The following MAGI3 variants were observed in gnomAD, a reference collection of about 807,000 sequenced individuals.
The protein encoded by MAGI3 is membrane associated guanylate kinase, WW and PDZ domain containing 3, also known as membrane-associated guanylate kinase, WW and PDZ domain-containing protein 3.
MAGI3 carries 43 observed loss-of-function variants against 121.8 expected under a neutral mutation model. The ratio of observed to expected loss-of-function variants is 0.35; its 90% CI spans 0.28 to 0.46. MAGI3 has a LOEUF of 0.46. Among genes scored for constraint, MAGI3 ranks in the 20% least tolerant of loss-of-function variants. The probability of loss-of-function intolerance (pLI) is 1.00; values close to 1 mark genes in which losing one functional copy is unlikely to be tolerated. For missense variants in MAGI3, 1,547 were observed against 1,797.3 expected (o/e 0.86, Z 2.52); for synonymous variants, 553 against 639.3 (o/e 0.86, Z 2.04).
chr1:113,437,099 C>G (rs997768209), intron 1 of MAGI3, among the ~76,000 whole-genome samples: 1 of 152,116 alleles, frequency 6.6e-6, no homozygotes, highest in Non-Finnish European at 1.5e-5. Context: ...CAGGCATGAG[C>G]CACCGCACCC....
At chr1:113,514,070 A>G (rs1657759557) in intron 1 of MAGI3, among the ~76,000 whole-genome samples, 1 of 152,092 alleles carries the variant, frequency 6.6e-6, no homozygotes, top group South Asian at 2.1e-4. Flanking sequence ...CAAAACCACA[A>G]TGAGATACCA....
chr1:113,604,691 T>C (rs192634075), intron 6 of MAGI3, among the ~76,000 whole-genome samples: 28 of 151,622 alleles, frequency 1.8e-4, no homozygotes, highest in African/African-American at 6.8e-4. Flanking sequence ...TGGATGGAGC[T>C]GGAGGTCATT....
At chr1:113,563,607 C>T (rs1450852648) in intron 2 of MAGI3, among the ~76,000 whole-genome samples, 1 of 152,158 alleles carries the variant, frequency 6.6e-6, no homozygotes, top group Admixed American at 6.6e-5. Context: ...TTCATGAGTA[C>T]CAGCAGTGCA....
chr1:113,654,125 C>T (rs1296411939), intron 15 of MAGI3, 107 bp downstream of exon 15: 23 of 865,630 alleles, frequency 2.7e-5, no homozygotes, highest in Non-Finnish European at 3.0e-5. Flanking sequence ...GCCTTAGGTA[C>T]TTATCTTTTT....
intron 9 of MAGI3, among the ~76,000 whole-genome samples, chr1:113,626,229 T>A (rs530932910): frequency 5.9e-5 from 9 of 152,314 alleles, no homozygotes; most frequent in Admixed American, 3.9e-4. Flanking sequence ...ATGATTATAG[T>A]TTTTATCCTT....
intron 9 of MAGI3, among the ~76,000 whole-genome samples, chr1:113,638,230 C>A (rs879188535): frequency 6.6e-6 from 1 of 152,326 alleles, no homozygotes; most frequent in East Asian, 1.9e-4. Context: ...TCTCTCAACT[C>A]GTCAAAGTCA....
At chr1:113,630,013 A>G (rs1360166589) in intron 9 of MAGI3, among the ~76,000 whole-genome samples, 1 of 152,050 alleles carries the variant, frequency 6.6e-6, no homozygotes, top group Non-Finnish European at 1.5e-5. Flanking sequence ...AAAGTGAGCT[A>G]GGTTCGTGTC....
chr1:113,551,282 G>C (rs1329369192), intron 2 of MAGI3, among the ~76,000 whole-genome samples: 2 of 152,086 alleles, frequency 1.3e-5, no homozygotes, highest in Non-Finnish European at 2.9e-5. Context: ...AGCAGTGTTT[G>C]TCCCCTTCCC....
intron 1 of MAGI3, among the ~76,000 whole-genome samples, chr1:113,459,976 A>C (rs1404791209): frequency 6.6e-6 from 1 of 152,186 alleles, no homozygotes; most frequent in Non-Finnish European, 1.5e-5. Context: ...GAGAAAGAAA[A>C]CTTCAGGCCA....
chr1:113,530,816 T>G (rs1403381407), intron 1 of MAGI3, among the ~76,000 whole-genome samples: 1 of 151,934 alleles, frequency 6.6e-6, no homozygotes, highest in Non-Finnish European at 1.5e-5. Flanking sequence ...CTCGCGAAGC[T>G]GAGGTGGGAG....
intron 1 of MAGI3, among the ~76,000 whole-genome samples, chr1:113,441,910 G>T (rs1178422130): frequency 6.6e-6 from 1 of 152,152 alleles, no homozygotes; most frequent in African/African-American, 2.4e-5. Flanking sequence ...TTTACTCAGA[G>T]AGCTTAGAGA....
chr1:113,539,512 T>C (rs1659171569), intron 1 of MAGI3, among the ~76,000 whole-genome samples: 1 of 152,056 alleles, frequency 6.6e-6, no homozygotes, highest in Non-Finnish European at 1.5e-5. Flanking sequence ...GAGTTTGTTT[T>C]ATGTGTGTCG....
intron 9 of MAGI3, among the ~76,000 whole-genome samples, chr1:113,629,293 A>C (rs1035803787): frequency 6.6e-6 from 1 of 152,120 alleles, no homozygotes; most frequent in African/African-American, 2.4e-5. Context: ...AGTCTCTGTT[A>C]AATTTATGTG....
At chr1:113,616,064 C>G (rs1427798561) in intron 7 of MAGI3, among the ~76,000 whole-genome samples, 2 of 152,108 alleles carry the variant, frequency 1.3e-5, no homozygotes, top group African/African-American at 4.8e-5. Context: ...AATTTGAATA[C>G]ATGGTCAAAA....
chr1:113,459,285 T>G (rs1654916054), intron 1 of MAGI3, among the ~76,000 whole-genome samples: 1 of 152,250 alleles, frequency 6.6e-6, no homozygotes, highest in Non-Finnish European at 1.5e-5. Flanking sequence ...TTGTTATTTC[T>G]ACATCAGTTA....
At position 113,391,609 on chromosome 1, in the gene MAGI3, C is replaced by T. The variant is rs2101253797; in HGVS notation, c.316+260C>T. Among the ~76,000 whole-genome samples, 1 of 152,266 alleles carries T rather than the reference C, an allele frequency of 6.6e-6. No homozygotes were observed. The highest frequency in any genetic ancestry group is 1.9e-4 in the East Asian group (1 of 5,176). On this transcript the variant is annotated intron_variant, in intron 1 of 20. Transcript: ENST00000307546. The surrounding 1 kb of genome is among the most constrained non-coding windows in gnomAD (Gnocchi z 4.4). The stretch of plus-strand genomic sequence containing the variant: ...AGAATTGCGACTAGAAGCTGGGTTT[C>T]CTACATTTGTAGCTCCATCTCCCCC...
At chr1:113,671,378 G>A (rs1295145377) in intron 16 of MAGI3, among the ~76,000 whole-genome samples, 1 of 152,096 alleles carries the variant, frequency 6.6e-6, no homozygotes, top group African/African-American at 2.4e-5. Context: ...CAATTATTAG[G>A]TGTGTGCTCT....
At chr1:113,595,037 CACAT>C (rs774982345) in intron 6 of MAGI3, among the ~76,000 whole-genome samples, 3 of 152,186 alleles carry the variant, frequency 2.0e-5, no homozygotes, top group Non-Finnish European at 1.5e-5. Flanking sequence ...TAGGCCCCCA[CACAT>C]ATACACACTT....
chr1:113,618,632 A>G (rs1449319649), intron 7 of MAGI3: 2 of 375,622 alleles, frequency 5.3e-6, no homozygotes, highest in Non-Finnish European at 1.0e-5. Context: ...CAGCTTCCTG[A>G]GTAGCTGGGA....
Sources: gnomAD v4.1 joint callset for allele counts (sites outside exome capture counted in the v4.1 genomes callset) on GRCh38, gnomAD v4.1.1 for gene constraint, Gnocchi (gnomAD v3.1) non-coding constraint, MANE v1.5 for transcripts, NCBI Gene and HGNC (gene_info 2026-07-23, HGNC 2026-07-21) for gene names.